CMYA5: variants seen among roughly 807,000 people sequenced by gnomAD.
CMYA5 encodes cardiomyopathy associated 5.
A neutral mutation model predicts 318.9 loss-of-function variants in CMYA5; 246 were observed. The observed-to-expected ratio is 0.77, with a 90% CI of 0.70 to 0.86. CMYA5 has a LOEUF of 0.86. CMYA5 is among the 40% of genes least tolerant of loss of function. CMYA5 has a pLI of 0.00. For missense variants in CMYA5, 4,589 were observed against 4,678.2 expected (o/e 0.98, Z 0.56); for synonymous variants, 1,641 against 1,729.5 (o/e 0.95, Z 1.27).
chr5:79,796,450 T>C (rs1307432531), intron 12 of CMYA5, among the ~76,000 whole-genome samples: 1 of 152,146 alleles, frequency 6.6e-6, no homozygotes, highest in Non-Finnish European at 1.5e-5. Context: ...TGTGACAGTA[T>C]ATACAGTGGT....
At position 79,708,486 on chromosome 5, in the gene CMYA5, G is replaced by A. The variant is rs769123865; in HGVS notation, c.149+18430G>A. ...AATACAAAAATAAAATTAGCCAGGC[G>A]TGGTGGCGGGTGCCTGTAGTCCCAG... On this transcript the variant is annotated intron_variant, in intron 1 of 12. Transcript: ENST00000446378. 1.1e-4 allele frequency among the ~76,000 whole-genome samples: 17 copies of A among 152,212 alleles called. 1 individual carries two copies. The South Asian group carries it at 1.2e-3, about 11-fold the overall frequency.
At position 79,799,873 on chromosome 5, in the gene CMYA5, A is replaced by ACCCCGACCACCG; in HGVS notation, c.*257_*258insCCCCGACCACCG. The ACCCCGACCACCG allele has an allele frequency of 1.4e-5, 2 of 142,346 alleles. No homozygotes were observed. Among genetic ancestry groups the ACCCCGACCACCG allele is most frequent in the Non-Finnish European group, 2.8e-5 (2 of 72,554 alleles). The allele number at this position is 142,346 out of a possible 1,614,324, so 8.8% of individuals were successfully genotyped here. A position where few individuals can be genotyped will look rare whatever the true frequency, so the allele number is the denominator to read the frequency against. ...AAGTTTGAGTTCTTTCCTAAATTAA[A>ACCCCGACCACCG]AGATCTACACTTGAGTTGGGAACCG... On this transcript the variant is annotated 3_prime_UTR_variant, in exon 13 of 13. Transcript: ENST00000446378.
chr5:79,773,864 C>T (rs1828895434), intron 9 of CMYA5, among the ~76,000 whole-genome samples: 1 of 152,258 alleles, frequency 6.6e-6, no homozygotes, highest in African/African-American at 2.4e-5. Flanking sequence ...AACAAGCAGG[C>T]TTCAAAGCTC....
At position 79,746,282 on chromosome 5, in the gene CMYA5, G is replaced by C. The variant is rs554371085; in HGVS notation, c.10969-809G>C. 7.9e-5 allele frequency among the ~76,000 whole-genome samples: 12 copies of C among 152,248 alleles called. No individual in the cohort carries two copies. In the South Asian group the frequency reaches 1.5e-3, roughly 18 times the overall value. On this transcript the variant is annotated intron_variant, in intron 4 of 12. Coordinates refer to ENST00000446378, the MANE Select transcript of CMYA5 (RefSeq NM_153610.5). Reference sequence around the variant, plus strand: ...TAGAAAACTTTGGAGATACAGCAAGGCAAAACGGAACAATGTTAGCCTTTT... The same window carrying C: ...TAGAAAACTTTGGAGATACAGCAAGCCAAAACGGAACAATGTTAGCCTTTT...
chr5:79,732,259 A>T lies in CMYA5; in HGVS notation c.3494A>T (p.Lys1165Ile). 1 of 1,613,892 alleles carries T rather than the reference A, an allele frequency of 6.2e-7. No individual in the cohort carries two copies. Among genetic ancestry groups the T allele is most frequent in the Non-Finnish European group, 8.5e-7 (1 of 1,179,856 alleles). Residue 1165 changes from lysine to isoleucine, a missense_variant, in exon 2 of 13, where the codon AAA becomes ATA. Lys to Ile is a moderately radical substitution (Grantham distance 102, BLOSUM62 -3). Around this residue, in one of 3 missense-constraint regions of CMYA5, gnomAD observed 2,132 missense variants for 2,131.3 expected, o/e 1.00. Transcript: ENST00000446378. Reference sequence around the variant, plus strand: ...TCATCTATAGTAAAGGAAGAAACCAAACCTGCATCTCCACATTCAGTTTTA... The same window carrying T: ...TCATCTATAGTAAAGGAAGAAACCATACCTGCATCTCCACATTCAGTTTTA... Reference protein sequence around the residue: ...AQSSIVKEETKPASPHSVLPD... With the variant: ...AQSSIVKEETIPASPHSVLPD...
rs1827972546 is a variant in CMYA5 at position 79,733,577 on chromosome 5, A to G, written c.4812A>G (p.Gly1604=). The G allele has an allele frequency of 1.2e-6, 2 of 1,613,776 alleles. No individual in the cohort carries two copies. Among genetic ancestry groups the G allele is most frequent in the African/African-American group, 2.7e-5 (2 of 74,914 alleles). The change falls in exon 2 of 13, where the codon GGA becomes GGG. Residue 1604 remains glycine (G), a synonymous_variant. Coordinates refer to ENST00000446378, the MANE Select transcript of CMYA5 (RefSeq NM_153610.5). ...TGGAGGTATCTTCTACAGCTCAGGG[A>G]GACTTCCCATCAGAAAAACAAGATG... ...PAVEVSSTAQ[G]DFPSEKQDVA...
chr5:79,728,825 C>G (rs1827802796), intron 1 of CMYA5, 90 bp from the exon 2 acceptor site: 1 of 575,606 alleles, frequency 1.7e-6, no homozygotes, highest in Non-Finnish European at 2.5e-6. Flanking sequence ...TCACATTAAT[C>G]CTTTACCTGG....
At chr5:79,745,544 T>C (rs1561217108) in intron 4 of CMYA5, 89 bp downstream of exon 4, 4 of 823,138 alleles carry the variant, frequency 4.9e-6, no homozygotes, top group South Asian at 3.2e-5. Context: ...TTCCTTAAGA[T>C]TATTTATATC....
intron 12 of CMYA5, among the ~76,000 whole-genome samples, chr5:79,796,019 G>A (rs1387809605): frequency 1.3e-5 from 2 of 152,210 alleles, no homozygotes; most frequent in African/African-American, 2.4e-5. Flanking sequence ...GACAGAAGCA[G>A]GGCTGGTCAG....
In CMYA5 at chr5:79,732,167, A is replaced by G; in HGVS notation, c.3402A>G (p.Glu1134=). 1 of 1,613,972 alleles carries G rather than the reference A, an allele frequency of 6.2e-7. No individual in the cohort carries two copies. The highest frequency in any genetic ancestry group is 8.5e-7 in the Non-Finnish European group (1 of 1,179,872). The change falls in exon 2 of 13, where the codon GAA becomes GAG. Residue 1134 remains glutamate, a synonymous_variant. Coordinates refer to ENST00000446378, the MANE Select transcript of CMYA5 (RefSeq NM_153610.5). The part of the protein sequence containing the change: ...EDLIPSHLTS[E]VEKGEREASS... ...TGATTCCTTCACATTTAACCAGTGA[A>G]GTGGAGAAGGGAGAAAGGGAGGCAA... is the stretch of plus-strand genomic sequence containing the variant.
intron 9 of CMYA5, among the ~76,000 whole-genome samples, chr5:79,771,762 G>A (rs1192066382): frequency 6.6e-6 from 1 of 152,194 alleles, no homozygotes; most frequent in Non-Finnish European, 1.5e-5. Flanking sequence ...TCTGGCCAAA[G>A]TATGAAATGA....
intron 12 of CMYA5, among the ~76,000 whole-genome samples, chr5:79,798,265 C>T (rs534169160): frequency 9.9e-5 from 15 of 152,212 alleles, no homozygotes; most frequent in African/African-American, 3.4e-4. Context: ...CCAGACCCGT[C>T]GCTTACCCAG....
At chr5:79,725,684 C>G (rs1348603556) in intron 1 of CMYA5, among the ~76,000 whole-genome samples, 1 of 152,224 alleles carries the variant, frequency 6.6e-6, no homozygotes, top group African/African-American at 2.4e-5. Context: ...GGGCAGATCA[C>G]TTGAGGCCAG....
At position 79,729,257 on chromosome 5, in the gene CMYA5, CA is replaced by C; in HGVS notation, c.498del (p.Gly167AlafsTer4). Reference protein sequence around the residue: ...SFESQDVPTNKKGSPLTSASQ... With the variant: ...SFESQDVPTNXKGSPLTSASQ... ...TTGAATCCCAAGATGTTCCAACAAA[CA>C]AAAAAGGCAGTCCTTTAACTTCAGC... On this transcript the variant is annotated frameshift_variant, in exon 2 of 13. Transcript: ENST00000446378. LOFTEE classifies it high-confidence loss of function. 1 of 1,608,214 alleles carries C rather than the reference CA, an allele frequency of 6.2e-7. No homozygotes were observed. The highest frequency in any genetic ancestry group is 1.7e-5 in the Admixed American group (1 of 58,342).
chr5:79,762,757 C>A, intron 8 of CMYA5: 1 of 275,478 alleles, frequency 3.6e-6, no homozygotes. Context: ...TGTACTGGGA[C>A]AGGGGAAAGA....
In CMYA5 at chr5:79,730,292, A is replaced by G; in HGVS notation, c.1527A>G (p.Ile509Met). ...LMLEEPEKEE[I>M]ETSLPIAITP... is the part of the protein sequence containing the mutation. The stretch of plus-strand genomic sequence containing the variant: ...TAGAAGAACCAGAGAAAGAAGAAAT[A>G]GAAACTTCCCTACCCATAGCTATTA... Residue 509 changes from isoleucine to methionine, a missense_variant, in exon 2 of 13, where the codon ATA becomes ATG. Physicochemically the swap from Ile to Met is conservative, Grantham distance 10 (BLOSUM62 1). Around this residue, in one of 3 missense-constraint regions of CMYA5, gnomAD observed 2,132 missense variants for 2,131.3 expected, o/e 1.00. Coordinates refer to ENST00000446378, the MANE Select transcript of CMYA5 (RefSeq NM_153610.5). 6.2e-7 allele frequency: 1 copy of G among 1,614,002 alleles called. No homozygotes were observed. Among genetic ancestry groups the G allele is most frequent in the Non-Finnish European group, 8.5e-7 (1 of 1,179,864 alleles).
intron 6 of CMYA5, among the ~76,000 whole-genome samples, chr5:79,756,230 C>T (rs888516632): frequency 2.0e-5 from 3 of 152,170 alleles, no homozygotes; most frequent in Non-Finnish European, 4.4e-5. Context: ...TGATCAGTTC[C>T]TGGGGAGGTG....
At chr5:79,790,885 C>G in intron 10 of CMYA5, 85 bp from the exon 11 acceptor site, 1 of 849,726 alleles carries the variant, frequency 1.2e-6, no homozygotes, top group Non-Finnish European at 1.9e-6. Context: ...GGGAAAGAGT[C>G]TAGGGTCTGA....
intron 1 of CMYA5, among the ~76,000 whole-genome samples, chr5:79,713,747 C>A (rs1827458668): frequency 6.6e-6 from 1 of 152,068 alleles, no homozygotes; most frequent in South Asian, 2.1e-4. Context: ...CATGTTAACA[C>A]CTTTACCTAC....
Sources: allele counts gnomAD v4.1 joint callset (sites outside exome capture counted in the v4.1 genomes callset), GRCh38; gene constraint gnomAD v4.1.1; regional missense constraint gnomAD v4.1.1; transcripts MANE v1.5; gene names NCBI Gene and HGNC (gene_info 2026-07-23, HGNC 2026-07-21).